The following ARSJ variants were observed in gnomAD, a reference collection of about 807,000 sequenced individuals.
The protein encoded by ARSJ is arylsulfatase J.
A neutral mutation model predicts 35.9 loss-of-function variants in ARSJ; 26 were observed. The observed-to-expected ratio is 0.72, with a 90% CI of 0.53 to 1.00. The LOEUF is 1.00. Ranked by LOEUF, ARSJ falls within the 50% of genes least tolerant of loss-of-function variation. The pLI, the probability that ARSJ is intolerant of heterozygous loss-of-function variation, is 0.00. For missense variants in ARSJ, 667 were observed against 723.6 expected, an observed-to-expected ratio of 0.92 and a Z score of 0.90; for synonymous variants, 294 against 267.6, an observed-to-expected ratio of 1.10 and a Z score of -0.96.
chr4:113,917,981 T>G (rs555182383), intron 1 of ARSJ, among the ~76,000 whole-genome samples: 79 of 152,274 alleles, frequency 5.2e-4, no homozygotes, highest in African/African-American at 1.8e-3. Flanking sequence ...ACACAATATT[T>G]AAGAAATTAC....
intron 1 of ARSJ, among the ~76,000 whole-genome samples, chr4:113,977,124 T>C (rs1253104305): frequency 6.6e-6 from 1 of 152,192 alleles, no homozygotes; most frequent in Non-Finnish European, 1.5e-5. Context: ...ATAAGGGTGT[T>C]TGGAATCAGA....
chr4:113,971,366 A>T (rs1727237284), intron 1 of ARSJ, among the ~76,000 whole-genome samples: 1 of 152,196 alleles, frequency 6.6e-6, no homozygotes, highest in East Asian at 1.9e-4. Context: ...GATAATTTCC[A>T]CCTTTAAGAA....
chr4:113,924,428 C>G (rs1442102241), intron 1 of ARSJ, among the ~76,000 whole-genome samples: 1 of 152,030 alleles, frequency 6.6e-6, no homozygotes, highest in African/African-American at 2.4e-5. Context: ...TTAGGCAACA[C>G]CCTCACAGAC....
At chr4:113,950,751 T>C (rs112472710) in intron 1 of ARSJ, among the ~76,000 whole-genome samples, 2 of 152,222 alleles carry the variant, frequency 1.3e-5, no homozygotes, top group Admixed American at 6.5e-5. Context: ...TTTATTTTTA[T>C]AGCTATTAAG....
rs78372668 is a variant in ARSJ at position 113,968,417 on chromosome 4, G to A, written c.398+10020C>T. ...TGAAACAGAAGTATGCAGAAAAGAC[G>A]GTAGGAACAGAGCAGAATGCACTTG... On this transcript the variant is annotated intron_variant, in intron 1 of 1. Coordinates refer to ENST00000315366, the MANE Select transcript of ARSJ (RefSeq NM_024590.4). Among the ~76,000 whole-genome samples, 2,057 of 152,232 alleles carry A rather than the reference G, an allele frequency of 0.014. 116 individuals carry two copies. The East Asian group carries it at 0.16, about 12-fold the overall frequency.
At chr4:113,971,130 A>C (rs1727220570) in intron 1 of ARSJ, among the ~76,000 whole-genome samples, 1 of 152,128 alleles carries the variant, frequency 6.6e-6, no homozygotes, top group Admixed American at 6.5e-5. Flanking sequence ...CACTGAAACA[A>C]ACTCTAATTA....
At chr4:113,976,182 TAGAATCAAA>T (rs1727579732) in intron 1 of ARSJ, among the ~76,000 whole-genome samples, 1 of 152,192 alleles carries the variant, frequency 6.6e-6, no homozygotes. Flanking sequence ...GTTTTGTTAA[TAGAATCAAA>T]AGTAACTTCA....
At chr4:113,969,755 C>T (rs939897223) in intron 1 of ARSJ, among the ~76,000 whole-genome samples, 1 of 152,308 alleles carries the variant, frequency 6.6e-6, no homozygotes, top group African/African-American at 2.4e-5. Context: ...TCTTCTCAAT[C>T]ACATTGCCTG....
chr4:113,962,659 C>G (rs978268048), intron 1 of ARSJ, among the ~76,000 whole-genome samples: 1 of 152,002 alleles, frequency 6.6e-6, no homozygotes, highest in Non-Finnish European at 1.5e-5. Flanking sequence ...ATCTCTCACA[C>G]AGGTTAATGC....
intron 1 of ARSJ, among the ~76,000 whole-genome samples, chr4:113,905,692 C>G (rs867267403): frequency 2.0e-5 from 1 of 49,786 alleles, no homozygotes; most frequent in African/African-American, 5.7e-5. Flanking sequence ...TTTTTTTAGA[C>G]AGTCTCGCTC....
chr4:113,905,819 C>T (rs1197826559), intron 1 of ARSJ, among the ~76,000 whole-genome samples: 1 of 151,742 alleles, frequency 6.6e-6, no homozygotes, highest in Non-Finnish European at 1.5e-5. Flanking sequence ...AGGTGCATAC[C>T]ACCAAGCCTG....
At chr4:113,954,706 C>A (rs1365444378) in intron 1 of ARSJ, among the ~76,000 whole-genome samples, 1 of 152,004 alleles carries the variant, frequency 6.6e-6, no homozygotes, top group East Asian at 1.9e-4. Context: ...GATAGATGAG[C>A]CCAGCTCACA....
At chr4:113,954,026 C>T (rs997807253) in intron 1 of ARSJ, among the ~76,000 whole-genome samples, 5 of 151,988 alleles carry the variant, frequency 3.3e-5, no homozygotes, top group South Asian at 4.2e-4. Flanking sequence ...TTATAGTTTT[C>T]CTGTTCTGGG....
At position 113,903,013 on chromosome 4, in the gene ARSJ, C is replaced by G. The variant is rs1193339620; in HGVS notation, c.1061G>C (p.Arg354Pro). The G allele has an allele frequency of 1.2e-6, 2 of 1,614,110 alleles. No individual in the cohort carries two copies. Among genetic ancestry groups the G allele is most frequent in the South Asian group, 1.1e-5 (1 of 91,082 alleles). Residue 354 changes from arginine to proline, a missense_variant, in exon 2 of 2, where the codon CGG becomes CCG. Physicochemically the swap from Arg to Pro is moderately radical, Grantham distance 103 (BLOSUM62 -2). Coordinates refer to ENST00000315366, the MANE Select transcript of ARSJ (RefSeq NM_024590.4). ...SKGTYWEGGI[R>P]AVGFVHSPLL... ...TGGGCTATGCACAAAGCCTACAGCC[C>G]GGATCCCTCCTTCCCAATATGTTCC...
rs544212956 is a variant in ARSJ at position 113,902,054 on chromosome 4, A to C, written c.*220T>G. On this transcript the variant is annotated 3_prime_UTR_variant, in exon 2 of 2. Coordinates refer to ENST00000315366, the MANE Select transcript of ARSJ (RefSeq NM_024590.4). ...AGGAGCAAGAGAAATAAACATCTCC[A>C]CTCTCTCTAAGTGTGGCTTGCAAGA... The C allele has an allele frequency of 1.4e-6, 2 of 1,401,288 alleles. No individual in the cohort carries two copies. Among genetic ancestry groups the C allele is most frequent in the South Asian group, 2.6e-5 (2 of 77,620 alleles). The allele number at this position is 1,401,288 out of a possible 1,614,324, so 86.8% of individuals were successfully genotyped here.
intron 1 of ARSJ, among the ~76,000 whole-genome samples, chr4:113,949,207 G>A (rs1176750378): frequency 6.6e-6 from 1 of 151,976 alleles, no homozygotes; most frequent in Non-Finnish European, 1.5e-5. Context: ...GGCTAGGGGA[G>A]GGATAGCATT....
At chr4:113,934,732 C>T (rs1352285933) in intron 1 of ARSJ, among the ~76,000 whole-genome samples, 1 of 151,620 alleles carries the variant, frequency 6.6e-6, no homozygotes, top group African/African-American at 2.4e-5. Context: ...TTTATTGATA[C>T]CTATTAGATG....
intron 1 of ARSJ, among the ~76,000 whole-genome samples, chr4:113,971,367 C>T (rs941589513): frequency 1.3e-5 from 2 of 152,142 alleles, no homozygotes; most frequent in African/African-American, 4.8e-5. Context: ...ATAATTTCCA[C>T]CTTTAAGAAC....
chr4:113,955,332 G>C (rs1329980055), intron 1 of ARSJ, among the ~76,000 whole-genome samples: 2 of 151,488 alleles, frequency 1.3e-5, no homozygotes, highest in African/African-American at 4.8e-5. Context: ...TGAACAGATT[G>C]GTTATTATTT....
Sources: allele counts gnomAD v4.1 joint callset (sites outside exome capture counted in the v4.1 genomes callset), GRCh38; gene constraint gnomAD v4.1.1; transcripts MANE v1.5; gene names NCBI Gene and HGNC (gene_info 2026-07-23, HGNC 2026-07-21).